PTPRO: variants seen among roughly 807,000 people sequenced by gnomAD.
The protein encoded by PTPRO is receptor-type tyrosine-protein phosphatase O.
Under a neutral mutation model 145.2 loss-of-function variants are expected in PTPRO, and 62 were observed. The observed-to-expected ratio is 0.43, with a 90% CI of 0.35 to 0.53. The LOEUF (loss-of-function observed/expected upper bound fraction) is 0.53. PTPRO is among the 20% of genes least tolerant of loss of function. PTPRO has a pLI of 0.01. For missense variants in PTPRO, 1,345 were observed against 1,482.7 expected, an observed-to-expected ratio of 0.91 and a Z score of 1.53; for synonymous variants, 565 against 514.7, an observed-to-expected ratio of 1.10 and a Z score of -1.32.
At chr12:15,522,315 G>A (rs144179069) in intron 10 of PTPRO, among the ~76,000 whole-genome samples, 1,586 of 150,772 alleles carry the variant, frequency 0.011, 12 homozygotes, top group South Asian at 0.034. Context: ...TTGTTACATA[G>A]GTATACATGT....
intron 12 of PTPRO, among the ~76,000 whole-genome samples, chr12:15,542,199 C>G (rs1420511876): frequency 6.6e-6 from 1 of 152,116 alleles, no homozygotes; most frequent in African/African-American, 2.4e-5. Flanking sequence ...TAATCTTGTG[C>G]TTCTGAGAAT....
At chr12:15,528,620 A>G (rs1055223133) in intron 12 of PTPRO, among the ~76,000 whole-genome samples, 3 of 152,150 alleles carry the variant, frequency 2.0e-5, no homozygotes, top group African/African-American at 7.2e-5. Flanking sequence ...TGAAAGAAAT[A>G]ATAATAGAAA....
chr12:15,512,556 A>G (rs1255057683), intron 7 of PTPRO, among the ~76,000 whole-genome samples: 4 of 152,224 alleles, frequency 2.6e-5, no homozygotes, highest in Non-Finnish European at 5.9e-5. Context: ...CTTCCAATTT[A>G]CTTCATTTGT....
chr12:15,466,101 G>T (rs1255312256), intron 1 of PTPRO, among the ~76,000 whole-genome samples: 2 of 152,056 alleles, frequency 1.3e-5, no homozygotes, highest in East Asian at 1.9e-4. Context: ...TATATAATTT[G>T]CCTGTGTACA....
At chr12:15,574,162 C>T (rs900020176) in intron 19 of PTPRO, among the ~76,000 whole-genome samples, 2 of 152,198 alleles carry the variant, frequency 1.3e-5, no homozygotes, top group African/African-American at 2.4e-5. Flanking sequence ...ATAAGTCATA[C>T]ATGAAGCTAT....
chr12:15,487,532 CT>C (rs1941914889), intron 2 of PTPRO, among the ~76,000 whole-genome samples: 1 of 152,192 alleles, frequency 6.6e-6, no homozygotes, highest in African/African-American at 2.4e-5. Flanking sequence ...TCTTGCTGTC[CT>C]CTTAGTGGTT....
At chr12:15,539,065 T>TA in intron 12 of PTPRO, among the ~76,000 whole-genome samples, 1 of 149,642 alleles carries the variant, frequency 6.7e-6, no homozygotes, top group Non-Finnish European at 1.5e-5. Context: ...CCTAACAAAA[T>TA]AAAAATGCTA....
chr12:15,430,780 T>C (rs746895558), intron 1 of PTPRO, among the ~76,000 whole-genome samples: 2 of 152,206 alleles, frequency 1.3e-5, no homozygotes, highest in African/African-American at 4.8e-5. Context: ...TAGCTTGATT[T>C]AACCATTCCA....
At chr12:15,348,553 T>C (rs1937671586) in intron 1 of PTPRO, 2 of 151,864 alleles carry the variant, frequency 1.3e-5, no homozygotes, top group South Asian at 4.2e-4. Context: ...GGTCAGGAGA[T>C]CGAGACCATC....
At chr12:15,409,976 A>G (rs1187803965) in intron 1 of PTPRO, among the ~76,000 whole-genome samples, 1 of 152,212 alleles carries the variant, frequency 6.6e-6, no homozygotes, top group Non-Finnish European at 1.5e-5. Flanking sequence ...CCCTCCCAGT[A>G]GGGACCTCTA....
intron 1 of PTPRO, among the ~76,000 whole-genome samples, chr12:15,471,209 T>C (rs1359006207): frequency 2.0e-5 from 3 of 152,046 alleles, no homozygotes; most frequent in Non-Finnish European, 4.4e-5. Context: ...TGAAACCCTG[T>C]CTCTACAAAA....
chr12:15,397,719 C>G (rs75896698), intron 1 of PTPRO, among the ~76,000 whole-genome samples: 2,124 of 152,196 alleles, frequency 0.014, 56 homozygotes, highest in African/African-American at 0.049. Context: ...AGGAAGAAAA[C>G]AGAAAAAGTT....
intron 19 of PTPRO, among the ~76,000 whole-genome samples, chr12:15,578,178 A>G (rs2135636820): frequency 6.6e-6 from 1 of 152,136 alleles, no homozygotes; most frequent in Non-Finnish European, 1.5e-5. Flanking sequence ...CTCATTCCTC[A>G]CTATTTTTTA....
At position 15,484,267 on chromosome 12, in the gene PTPRO, T is replaced by C. The variant is rs770426059; in HGVS notation, c.349+20T>C. 4 of 1,612,658 alleles carry C rather than the reference T, an allele frequency of 2.5e-6. No homozygotes were observed. The highest frequency in any genetic ancestry group is 2.2e-5 in the East Asian group (1 of 44,846). On this transcript the variant is annotated intron_variant, in intron 2 of 26. Coordinates refer to ENST00000281171, the MANE Select transcript of PTPRO (RefSeq NM_030667.3). ...TAACAAGTAAGCATCATGTGTAATATTGTCCCGTTTCTTCTTATTGTTCCC... is the reference window on the plus strand; with the variant it reads ...TAACAAGTAAGCATCATGTGTAATACTGTCCCGTTTCTTCTTATTGTTCCC...
At chr12:15,426,967 C>A (rs1435537074) in intron 1 of PTPRO, among the ~76,000 whole-genome samples, 1 of 151,628 alleles carries the variant, frequency 6.6e-6, no homozygotes. Flanking sequence ...AAATAAAGTC[C>A]TTTTTCAGAT....
At chr12:15,367,559 C>T (rs1938399638) in intron 1 of PTPRO, among the ~76,000 whole-genome samples, 1 of 152,166 alleles carries the variant, frequency 6.6e-6, no homozygotes, top group Non-Finnish European at 1.5e-5. Flanking sequence ...TCCCATGGAA[C>T]TCCAGATTCA....
intron 1 of PTPRO, among the ~76,000 whole-genome samples, chr12:15,413,428 A>T (rs2136315716): frequency 6.6e-6 from 1 of 152,290 alleles, no homozygotes; most frequent in African/African-American, 2.4e-5. Context: ...ATTGGGTGTG[A>T]TTTATGTAGT....
At chr12:15,367,554 T>C (rs1429734394) in intron 1 of PTPRO, among the ~76,000 whole-genome samples, 1 of 152,214 alleles carries the variant, frequency 6.6e-6, no homozygotes, top group Admixed American at 6.5e-5. Context: ...GAGCTTCCCA[T>C]GGAACTCCAG....
At chr12:15,363,445 CAA>C in intron 1 of PTPRO, among the ~76,000 whole-genome samples, 1 of 152,038 alleles carries the variant, frequency 6.6e-6, no homozygotes, top group South Asian at 2.1e-4. Flanking sequence ...AATCTGAATT[CAA>C]AAAGACTTTA....
Sources: gnomAD v4.1 joint callset for allele counts (sites outside exome capture counted in the v4.1 genomes callset) on GRCh38, gnomAD v4.1.1 for gene constraint, MANE v1.5 for transcripts, NCBI Gene and HGNC (gene_info 2026-07-23, HGNC 2026-07-21) for gene names.